PREX1: variants seen among roughly 807,000 people sequenced by gnomAD.
The protein encoded by PREX1 is phosphatidylinositol-3,4,5-trisphosphate dependent Rac exchange factor 1.
In PREX1, 41 loss-of-function variants were observed where a neutral mutation model predicts 198.3. The observed-to-expected ratio is 0.21, with a 90% CI of 0.16 to 0.27. The LOEUF (loss-of-function observed/expected upper bound fraction) is 0.27. Among genes scored for constraint, PREX1 ranks in the 10% least tolerant of loss-of-function variants. PREX1 has a pLI of 1.00. For missense variants in PREX1, 1,620 were observed against 2,200.7 expected, an observed-to-expected ratio of 0.74 and a Z score of 5.28; for synonymous variants, 843 against 887.2, an observed-to-expected ratio of 0.95 and a Z score of 0.89.
chr20:48,693,399 CATGAATGAG>C (rs67951078), intron 7 of PREX1, among the ~76,000 whole-genome samples: 38,969 of 151,916 alleles, frequency 0.26, 6,377 homozygotes, highest in African/African-American at 0.47. Flanking sequence ...AAAAGGACCT[CATGAATGAG>C]ATTAGGCCCT....
rs1341604215 is a variant in PREX1, at chr20:48,642,228, G to T, written c.3715C>A (p.Pro1239Thr). 2 of 1,614,214 alleles carry T rather than the reference G, an allele frequency of 1.2e-6. No individual in the cohort carries two copies. The highest frequency in any genetic ancestry group is 2.2e-5 in the East Asian group (1 of 44,880). Residue 1239 changes from proline (P) to threonine (T), a missense_variant, in exon 29 of 40, where the codon CCA becomes ACA. Pro to Thr is a conservative substitution (Grantham distance 38, BLOSUM62 -1). Coordinates refer to ENST00000371941, the MANE Select transcript of PREX1 (RefSeq NM_020820.4). ...TCTTCGAAAGCCCGGCTCATGACTGGCCCCTTGAGGAGAGCATTGATGGAG... is the reference window on the plus strand; with the variant it reads ...TCTTCGAAAGCCCGGCTCATGACTGTCCCCTTGAGGAGAGCATTGATGGAG... ...VDSINALLKGPVMSRAFEETK... is the reference protein window; with the variant it reads ...VDSINALLKGTVMSRAFEETK...
intron 4 of PREX1, 73 bp downstream of exon 4, chr20:48,734,473 G>C: frequency 7.7e-7 from 1 of 1,293,856 alleles, no homozygotes; most frequent in Non-Finnish European, 1.1e-6. Context: ...GCAGCATGAA[G>C]TCCTCTTGTG....
At chr20:48,681,393 T>A (rs976308480) in intron 10 of PREX1, 58 bp from the exon 11 acceptor site, 9 of 1,552,562 alleles carry the variant, frequency 5.8e-6, no homozygotes, top group Non-Finnish European at 8.0e-6. Context: ...ACCACAGGAA[T>A]CAGCACTAAG....
chr20:48,841,536 G>A, the PREX1 span, among the ~76,000 whole-genome samples: 3 of 152,004 alleles, frequency 2.0e-5, no homozygotes, highest in African/African-American at 4.8e-5. Context: ...TAGCTACTTG[G>A]TAAACGCTTG....
At chr20:48,817,158 T>C (rs956613863) in intron 1 of PREX1, among the ~76,000 whole-genome samples, 27 of 152,194 alleles carry the variant, frequency 1.8e-4, no homozygotes, top group African/African-American at 6.3e-4. Flanking sequence ...GGTGCTGTCA[T>C]GTATTTTTGA....
intron 10 of PREX1, among the ~76,000 whole-genome samples, chr20:48,685,419 CCA>C (rs1271106624): frequency 6.6e-6 from 1 of 152,248 alleles, no homozygotes; most frequent in Non-Finnish European, 1.5e-5. Context: ...AGTACGATTC[CCA>C]CGAGTCTCAC....
chr20:48,873,385 A>G, the PREX1 span, among the ~76,000 whole-genome samples: 58 of 152,250 alleles, frequency 3.8e-4, no homozygotes, highest in Admixed American at 2.0e-3. Flanking sequence ...CTACAGCAAC[A>G]AGTAATACAG....
chr20:48,657,793 C>T (rs975973025), intron 17 of PREX1, among the ~76,000 whole-genome samples: 1 of 152,188 alleles, frequency 6.6e-6, no homozygotes, highest in African/African-American at 2.4e-5. Context: ...CTCCTGTAGG[C>T]TTTGCATCAG....
At chr20:48,726,478 G>A (rs895319776) in intron 4 of PREX1, 87 bp from the exon 5 acceptor site, 3 of 933,106 alleles carry the variant, frequency 3.2e-6, no homozygotes, top group East Asian at 2.6e-5. Flanking sequence ...CGCTCTCAGA[G>A]CACAGCTACA....
the PREX1 span, among the ~76,000 whole-genome samples, chr20:48,866,024 C>G: frequency 1.3e-5 from 2 of 151,058 alleles, no homozygotes; most frequent in African/African-American, 4.9e-5. Context: ...TCGTAACTCA[C>G]TAAAGCCTCA....
At chr20:48,778,917 A>G (rs184513336) in intron 1 of PREX1, among the ~76,000 whole-genome samples, 294 of 152,352 alleles carry the variant, frequency 1.9e-3, no homozygotes, top group Non-Finnish European at 3.6e-3. Flanking sequence ...TTAGAAGAAA[A>G]CAGGAGAAAA....
At chr20:48,743,826 G>A (rs1454555854) in intron 3 of PREX1, among the ~76,000 whole-genome samples, 1 of 152,206 alleles carries the variant, frequency 6.6e-6, no homozygotes, top group Non-Finnish European at 1.5e-5. Flanking sequence ...TCACTTTCAC[G>A]TAGAGAGTGG....
chr20:48,688,599 T>A, intron 10 of PREX1, 58 bp downstream of exon 10: 9 of 1,605,790 alleles, frequency 5.6e-6, no homozygotes, highest in Non-Finnish European at 7.7e-6. Context: ...GGGGATGATC[T>A]GCCCCACCTC....
the PREX1 span, among the ~76,000 whole-genome samples, chr20:48,848,605 C>T: frequency 1.3e-5 from 2 of 152,254 alleles, no homozygotes; most frequent in Admixed American, 6.5e-5. Context: ...TAGTCTCCTG[C>T]AAGGCTAAAA....
chr20:48,633,375 A>T (rs535670496), intron 33 of PREX1, among the ~76,000 whole-genome samples: 6 of 152,360 alleles, frequency 3.9e-5, no homozygotes, highest in African/African-American at 1.4e-4. Flanking sequence ...TGCACAGATA[A>T]ACAGACACAG....
chr20:48,827,537 G>T lies in PREX1; in HGVS notation c.219+105C>A. ...TCCGCGCGCCCTGCGGGGCGCCCCCGAGGCAATTCTCCACCCACGGGGACC... is the reference window on the plus strand; with the variant it reads ...TCCGCGCGCCCTGCGGGGCGCCCCCTAGGCAATTCTCCACCCACGGGGACC... On this transcript the variant is annotated intron_variant, in intron 1 of 39. Coordinates refer to ENST00000371941, the MANE Select transcript of PREX1 (RefSeq NM_020820.4). The surrounding 1 kb of genome is among the most constrained non-coding windows in gnomAD (Gnocchi z 4.1). 2 of 887,810 alleles carry T rather than the reference G, an allele frequency of 2.3e-6. No individual in the cohort carries two copies. Among genetic ancestry groups the T allele is most frequent in the Non-Finnish European group, 1.5e-6 (1 of 684,356 alleles). The allele number at this position is 887,810 out of a possible 1,614,324, so 55.0% of individuals were successfully genotyped here. A position where few individuals can be genotyped will look rare whatever the true frequency, so the allele number is the denominator to read the frequency against.
At chr20:48,761,183 G>A (rs188717945) in intron 1 of PREX1, among the ~76,000 whole-genome samples, 36 of 152,334 alleles carry the variant, frequency 2.4e-4, no homozygotes, top group African/African-American at 4.3e-4. Flanking sequence ...GTCAACAGCC[G>A]GGGCAAAGGC....
chr20:48,626,431 T>C (rs1471949175), intron 39 of PREX1, among the ~76,000 whole-genome samples: 1 of 152,220 alleles, frequency 6.6e-6, no homozygotes, highest in Non-Finnish European at 1.5e-5. Context: ...AATCCCAGCT[T>C]TTCCATTTAC....
intron 2 of PREX1, among the ~76,000 whole-genome samples, chr20:48,747,425 G>C (rs1025652766): frequency 1.3e-5 from 2 of 152,252 alleles, no homozygotes; most frequent in Non-Finnish European, 2.9e-5. Context: ...GCGGGGGCCG[G>C]GACTGCCAGG....
Sources: allele counts gnomAD v4.1 joint callset (sites outside exome capture counted in the v4.1 genomes callset), GRCh38; gene constraint gnomAD v4.1.1; non-coding constraint Gnocchi (gnomAD v3.1); transcripts MANE v1.5; gene names NCBI Gene and HGNC (gene_info 2026-07-23, HGNC 2026-07-21).